The following CLEC16A variants were observed in gnomAD, a reference collection of about 807,000 sequenced individuals.
CLEC16A encodes the protein protein CLEC16A.
In CLEC16A, 51 loss-of-function variants were observed where a neutral mutation model predicts 109.5. The ratio of observed to expected loss-of-function variants is 0.47; its 90% CI spans 0.37 to 0.59. The LOEUF (loss-of-function observed/expected upper bound fraction) is 0.59. Ranked by LOEUF, CLEC16A falls within the 20% of genes least tolerant of loss-of-function variation. The pLI, the probability that CLEC16A is intolerant of heterozygous loss-of-function variation, is 0.00. For synonymous variants in CLEC16A, 673 were observed against 564.2 expected (o/e 1.19, Z -2.73); for missense variants, 1,339 against 1,394.0 (o/e 0.96, Z 0.63).
Position 10,954,418 on chromosome 16 carries a change from C to T in CLEC16A, c.81-3364C>T, listed in dbSNP as rs562981626. Among the ~76,000 whole-genome samples, 146 of 152,272 alleles carry T rather than the reference C, an allele frequency of 9.6e-4. No homozygotes were observed. The highest frequency in any genetic ancestry group is 3.4e-3 in the African/African-American group (143 of 41,546). ...AAGGGCCTTCTGGTAGTTACTAGGT[C>T]TTTTTCCCCCAGAAATTATTTAATA... On this transcript the variant is annotated intron_variant, in intron 1 of 23. Transcript: ENST00000409790. The surrounding 1 kb of genome is among the most constrained non-coding windows in gnomAD (Gnocchi z 4.2).
intron 4 of CLEC16A, among the ~76,000 whole-genome samples, chr16:10,969,937 A>G (rs549320070): frequency 3.8e-4 from 58 of 152,348 alleles, no homozygotes; most frequent in Non-Finnish European, 6.8e-4. Flanking sequence ...CAGTATGTAC[A>G]TAGCTCCCTA....
At chr16:11,063,495 G>T (rs541910038) in intron 19 of CLEC16A, among the ~76,000 whole-genome samples, 1 of 151,996 alleles carries the variant, frequency 6.6e-6, no homozygotes, top group Non-Finnish European at 1.5e-5. Context: ...AGCTGACTCC[G>T]GGAGAAATGT....
At chr16:11,086,564 C>A (rs367922780) in intron 19 of CLEC16A, among the ~76,000 whole-genome samples, 1 of 151,936 alleles carries the variant, frequency 6.6e-6, no homozygotes, top group African/African-American at 2.4e-5. Context: ...TGTTTTGAGA[C>A]GGAGTTTTGC....
intron 22 of CLEC16A, among the ~76,000 whole-genome samples, chr16:11,131,123 C>T (rs561145383): frequency 3.9e-5 from 6 of 152,168 alleles, no homozygotes; most frequent in African/African-American, 1.4e-4. Context: ...ATTGTGCGTG[C>T]GCCTGGCCAA....
rs1194969888 is a variant in CLEC16A, at chr16:10,954,314, A to C, written c.81-3468A>C. Among the ~76,000 whole-genome samples the C allele has an allele frequency of 6.6e-6, 1 of 152,204 alleles. No individual in the cohort carries two copies. Among genetic ancestry groups the C allele is most frequent in the African/African-American group, 2.4e-5 (1 of 41,436 alleles). Reference sequence around the variant, plus strand: ...TACTGTGAGTCTGTAGGTCACATGAAGCCCTCGCAGAGAACCAGGCACGTG... The same window carrying C: ...TACTGTGAGTCTGTAGGTCACATGACGCCCTCGCAGAGAACCAGGCACGTG... On this transcript the variant is annotated intron_variant, in intron 1 of 23. Transcript: ENST00000409790. The surrounding 1 kb of genome is among the most constrained non-coding windows in gnomAD (Gnocchi z 4.2).
At chr16:11,044,672 T>A (rs2047538738) in intron 16 of CLEC16A, among the ~76,000 whole-genome samples, 1 of 152,222 alleles carries the variant, frequency 6.6e-6, no homozygotes, top group Non-Finnish European at 1.5e-5. Context: ...GGCTCATGCC[T>A]GTAATCCCAG....
At chr16:10,995,274 A>C (rs77171627) in intron 10 of CLEC16A, among the ~76,000 whole-genome samples, 1 of 152,288 alleles carries the variant, frequency 6.6e-6, no homozygotes, top group South Asian at 2.1e-4. Context: ...CCTATAGAGG[A>C]GAAGGTAGGA....
intron 20 of CLEC16A, among the ~76,000 whole-genome samples, chr16:11,123,500 C>A (rs2052580259): frequency 6.6e-6 from 1 of 152,190 alleles, no homozygotes; most frequent in Non-Finnish European, 1.5e-5. Context: ...GCACCAGCCA[C>A]CACCACCAGC....
intron 19 of CLEC16A, among the ~76,000 whole-genome samples, chr16:11,079,932 G>T (rs530469399): frequency 6.6e-6 from 1 of 152,178 alleles, no homozygotes; most frequent in Admixed American, 6.5e-5. Flanking sequence ...CTAGCAGAAG[G>T]TTCCAGACTA....
At chr16:11,002,725 T>C (rs2044743252) in intron 10 of CLEC16A, among the ~76,000 whole-genome samples, 1 of 152,166 alleles carries the variant, frequency 6.6e-6, no homozygotes, top group Non-Finnish European at 1.5e-5. Context: ...ATTTAGCTCC[T>C]GCTTATGAGA....
chr16:11,136,331 A>G (rs187499922), intron 22 of CLEC16A: 1 of 152,344 alleles, frequency 6.6e-6, no homozygotes, highest in African/African-American at 2.4e-5. Context: ...CACAACCGAA[A>G]AACAAAAAAT....
rs2054570001 is a variant in CLEC16A, at chr16:11,157,297, AG to A, written c.2642-9089del. ...GGTGGCAGCTCAGGCTTGGCCCGGG[AG>A]GCCATACGAACATCCCTTCCCCAGG... On this transcript the variant is annotated intron_variant, in intron 22 of 23. Transcript: ENST00000409790. 14 of 1,109,344 alleles carry A rather than the reference AG, an allele frequency of 1.3e-5. No individual in the cohort carries two copies. In the South Asian group the frequency reaches 2.4e-4, roughly 19 times the overall value. The allele number at this position is 1,109,344 out of a possible 1,614,324, so 68.7% of individuals were successfully genotyped here. A position where few individuals can be genotyped will look rare whatever the true frequency, so the allele number is the denominator to read the frequency against.
In CLEC16A at chr16:11,051,549, G is replaced by A. The variant is rs776532427; in HGVS notation, c.1903G>A (p.Ala635Thr). The A allele has an allele frequency of 3.7e-6, 6 of 1,613,842 alleles. No individual in the cohort carries two copies. In the African/African-American group the frequency reaches 4.0e-5, roughly 11 times the overall value. Residue 635 changes from alanine (A) to threonine (T), a missense_variant, in exon 18 of 24, where the codon GCC (alanine) becomes ACC (threonine). Physicochemically the swap from Ala to Thr is moderately conservative, Grantham distance 58. This residue lies in a region of CLEC16A where 1,061 missense variants were observed against 1,006.8 expected (regional missense o/e 1.05). Coordinates refer to ENST00000409790, the MANE Select transcript of CLEC16A (RefSeq NM_015226.3). Reference protein sequence around the residue: ...PMNVEYLMMDASILLPPTGTP... With the variant: ...PMNVEYLMMDTSILLPPTGTP... ...GAACGTGGAATATCTCATGATGGAC[G>A]CCTCCATCCTGCTGCCCCCAACAGG...
Position 10,985,330 on chromosome 16 carries a change from C to T in CLEC16A, c.1071+2339C>T, listed in dbSNP as rs1333638747. The stretch of plus-strand genomic sequence containing the variant: ...TTTAAAAGAAAATTTTCTGAATTGC[C>T]AACATTAAAATTTAGGAAGAAAAGT... On this transcript the variant is annotated intron_variant, in intron 10 of 23. Transcript: ENST00000409790. Among the ~76,000 whole-genome samples the T allele has an allele frequency of 5.9e-5, 9 of 151,470 alleles. No homozygotes were observed. In the East Asian group the frequency reaches 1.7e-3, roughly 29 times the overall value.
chr16:11,050,871 G>A (rs1454211269), intron 17 of CLEC16A, among the ~76,000 whole-genome samples: 2 of 152,346 alleles, frequency 1.3e-5, no homozygotes, highest in Non-Finnish European at 1.5e-5. Context: ...AGGGGACAAG[G>A]AAGGAAGGGG....
At chr16:10,953,579 G>A (rs116236156) in intron 1 of CLEC16A, among the ~76,000 whole-genome samples, 2,483 of 152,254 alleles carry the variant, frequency 0.016, 62 homozygotes, top group African/African-American at 0.056. Context: ...GGAACGAAAA[G>A]GTAAGCCACC....
chr16:11,018,544 T>C (rs906346702), intron 11 of CLEC16A, among the ~76,000 whole-genome samples: 1 of 151,748 alleles, frequency 6.6e-6, no homozygotes, highest in Non-Finnish European at 1.5e-5. Flanking sequence ...GGTCAGGAGA[T>C]GGAGACCATC....
chr16:10,985,059 C>T (rs897569957), intron 10 of CLEC16A, among the ~76,000 whole-genome samples: 16 of 151,690 alleles, frequency 1.1e-4, no homozygotes, highest in Non-Finnish European at 2.2e-4. Context: ...AAAAATTGGC[C>T]GGGCATGGTG....
chr16:10,949,796 C>T (rs997238287), intron 1 of CLEC16A, among the ~76,000 whole-genome samples: 1 of 152,186 alleles, frequency 6.6e-6, no homozygotes, highest in Non-Finnish European at 1.5e-5. Flanking sequence ...GGGCGGGGAG[C>T]AGGGGCTCTG....
Sources: gnomAD v4.1 joint callset for allele counts (sites outside exome capture counted in the v4.1 genomes callset) on GRCh38, gnomAD v4.1.1 for gene constraint, gnomAD v4.1.1 regional missense constraint, Gnocchi (gnomAD v3.1) non-coding constraint, MANE v1.5 for transcripts, NCBI Gene and HGNC (gene_info 2026-07-23, HGNC 2026-07-21) for gene names.